HIVEP2: variants seen among roughly 807,000 people sequenced by gnomAD.
The protein encoded by HIVEP2 is HIVEP zinc finger 2.
A neutral mutation model predicts 180.7 loss-of-function variants in HIVEP2; 14 were observed. That is an observed-to-expected ratio of 0.08 (90% CI 0.05 to 0.12). The LOEUF (loss-of-function observed/expected upper bound fraction) is 0.12, where lower values mean the gene tolerates loss of function less well. Among genes scored for constraint, HIVEP2 ranks in the 10% least tolerant of loss-of-function variants. The pLI is 1.00. For synonymous variants in HIVEP2, 1,184 were observed against 1,136.4 expected (o/e 1.04, Z -0.84); for missense variants, 2,579 against 3,008.5 (o/e 0.86, Z 3.34).
chr6:142,885,134 G>A (rs1776664175), intron 1 of HIVEP2, among the ~76,000 whole-genome samples: 1 of 152,070 alleles, frequency 6.6e-6, no homozygotes, highest in Non-Finnish European at 1.5e-5. Flanking sequence ...ACTAATTGAA[G>A]AAAACTCAGT....
At chr6:142,905,708 T>C (rs776289401) in intron 1 of HIVEP2, among the ~76,000 whole-genome samples, 23 of 152,332 alleles carry the variant, frequency 1.5e-4, no homozygotes, top group Non-Finnish European at 2.5e-4. Context: ...GAAAAAATTA[T>C]ATGACATAAT....
intron 2 of HIVEP2, among the ~76,000 whole-genome samples, chr6:142,814,455 T>C (rs1582883177): frequency 6.6e-6 from 1 of 152,250 alleles, no homozygotes; most frequent in Non-Finnish European, 1.5e-5. Flanking sequence ...TTGACTGCAA[T>C]AGTTCAGGGA....
At chr6:142,939,463 G>A (rs6940880) in intron 1 of HIVEP2, among the ~76,000 whole-genome samples, 32,012 of 151,960 alleles carry the variant, frequency 0.21, 3,499 homozygotes, top group African/African-American at 0.26. Context: ...CTGGAGCTAC[G>A]TACCTTTCCA....
Position 142,760,041 on chromosome 6 carries a change from A to G in HIVEP2, c.6247T>C (p.Ser2083Pro), listed in dbSNP as rs777429102. 7 of 1,613,992 alleles carry G rather than the reference A, an allele frequency of 4.3e-6. No individual in the cohort carries two copies. The highest frequency in any genetic ancestry group is 4.2e-6 in the Non-Finnish European group (5 of 1,180,012). Residue 2083 changes from serine (S) to proline (P), a missense_variant, in exon 9 of 10, where the codon TCA becomes CCA. Around this residue, in one of 11 missense-constraint regions of HIVEP2, gnomAD observed 660 missense variants for 731.7 expected, o/e 0.90. Transcript: ENST00000367603. Reference sequence around the variant, plus strand: ...CTTGGTGAAAGATGTCTCATGGGTGACAGATCTCTCCTAGGTGATAAATGT... The same window carrying G: ...CTTGGTGAAAGATGTCTCATGGGTGGCAGATCTCTCCTAGGTGATAAATGT... ...RRHLSPRRDLSPMRHLSPRKE... is the reference protein window; with the variant it reads ...RRHLSPRRDLPPMRHLSPRKE...
intron 1 of HIVEP2, among the ~76,000 whole-genome samples, chr6:142,922,422 C>T (rs972853864): frequency 6.6e-6 from 1 of 152,272 alleles, no homozygotes; most frequent in East Asian, 1.9e-4. Flanking sequence ...TCTCAATTCG[C>T]ATTTAATAAA....
intron 1 of HIVEP2, among the ~76,000 whole-genome samples, chr6:142,882,087 T>A (rs1326198809): frequency 6.6e-6 from 1 of 152,122 alleles, no homozygotes; most frequent in Admixed American, 6.6e-5. Flanking sequence ...GCCTTTCAGC[T>A]CCTAAGCCCC....
chr6:142,856,904 T>C (rs1474016024), intron 1 of HIVEP2, among the ~76,000 whole-genome samples: 1 of 152,200 alleles, frequency 6.6e-6, no homozygotes, highest in Non-Finnish European at 1.5e-5. Context: ...TGGACTTCCG[T>C]GTAAGGTACA....
At chr6:142,881,647 G>A (rs575852212) in intron 1 of HIVEP2, among the ~76,000 whole-genome samples, 2 of 152,282 alleles carry the variant, frequency 1.3e-5, no homozygotes, top group Non-Finnish European at 2.9e-5. Context: ...AGGATAGTTA[G>A]ACCTCACAGA....
intron 1 of HIVEP2, among the ~76,000 whole-genome samples, chr6:142,939,438 G>A (rs936249647): frequency 2.6e-5 from 4 of 151,848 alleles, no homozygotes; most frequent in African/African-American, 9.7e-5. Flanking sequence ...GCAGGTCTTT[G>A]AGGCACCACA....
At chr6:142,818,969 C>T (rs1294484558) in intron 2 of HIVEP2, among the ~76,000 whole-genome samples, 4 of 127,590 alleles carry the variant, frequency 3.1e-5, no homozygotes, top group Middle Eastern at 9.6e-3. Context: ...AAGAACCTGT[C>T]AGGAAGGAAG....
intron 1 of HIVEP2, among the ~76,000 whole-genome samples, chr6:142,898,938 T>C (rs966489145): frequency 6.6e-6 from 1 of 152,182 alleles, no homozygotes; most frequent in African/African-American, 2.4e-5. Flanking sequence ...ATTACTGTAA[T>C]TGTCTGCACA....
chr6:142,862,879 T>C (rs1173362179), intron 1 of HIVEP2, among the ~76,000 whole-genome samples: 7 of 124,920 alleles, frequency 5.6e-5, no homozygotes, highest in Non-Finnish European at 1.1e-4. Context: ...ATCTATTATA[T>C]GTATATATTG....
chr6:142,758,297 G>T (rs1469299963), intron 9 of HIVEP2, among the ~76,000 whole-genome samples: 1 of 152,180 alleles, frequency 6.6e-6, no homozygotes, highest in Non-Finnish European at 1.5e-5. Context: ...AGATGAAGTT[G>T]GTACCAGACT....
At chr6:142,886,971 G>T (rs1354684939) in intron 1 of HIVEP2, among the ~76,000 whole-genome samples, 3 of 152,082 alleles carry the variant, frequency 2.0e-5, no homozygotes. Context: ...AAGCATTCAC[G>T]TTTCTCTCCT....
At chr6:142,916,290 A>G (rs1245258279) in intron 1 of HIVEP2, among the ~76,000 whole-genome samples, 2 of 152,198 alleles carry the variant, frequency 1.3e-5, no homozygotes, top group Non-Finnish European at 2.9e-5. Flanking sequence ...CAAAATGCAA[A>G]TCTAATCCTT....
At chr6:142,926,948 C>A (rs987591967) in intron 1 of HIVEP2, among the ~76,000 whole-genome samples, 1 of 151,900 alleles carries the variant, frequency 6.6e-6, no homozygotes, top group Non-Finnish European at 1.5e-5. Flanking sequence ...CATGCTCCCT[C>A]GGGTGTCAGC....
rs1425173197 is a variant in HIVEP2 at position 142,753,666 on chromosome 6, T to C, written c.6782A>G (p.Glu2261Gly). ...CTCCCCTGACGCGCCTTTCTTCTCC[T>C]CAAAGCCCTCCATTGGCAGGGGCAA... ...PTLPLPMEGF[E>G]EKKGASGESF... Residue 2261 changes from glutamate (E) to glycine (G), a missense_variant, in exon 10 of 10, where the codon GAG becomes GGG. Coordinates refer to ENST00000367603, the MANE Select transcript of HIVEP2 (RefSeq NM_006734.4). 6.2e-7 allele frequency: 1 copy of C among 1,614,090 alleles called. No homozygotes were observed.
At chr6:142,839,567 C>T (rs140804854) in intron 1 of HIVEP2, among the ~76,000 whole-genome samples, 1 of 152,198 alleles carries the variant, frequency 6.6e-6, no homozygotes, top group East Asian at 1.9e-4. Context: ...TGTAATAAAT[C>T]AGATGTACAC....
chr6:142,770,979 T>A lies in HIVEP2; in HGVS notation c.3760A>T (p.Ser1254Cys), dbSNP rs1484557360. The A allele has an allele frequency of 6.2e-7, 1 of 1,614,182 alleles. No homozygotes were observed. The highest frequency in any genetic ancestry group is 8.5e-7 in the Non-Finnish European group (1 of 1,180,032). Residue 1254 changes from serine (S) to cysteine (C), a missense_variant, in exon 5 of 10, where the codon AGC (serine) becomes TGC (cysteine). Ser to Cys is a moderately radical substitution (Grantham distance 112). Coordinates refer to ENST00000367603, the MANE Select transcript of HIVEP2 (RefSeq NM_006734.4). This position sits in a 1 kb window ranked among gnomAD's most constrained non-coding sequence, Gnocchi z 4.7. The part of the protein sequence containing the change: ...KPSFQTEIHS[S>C]YPLEHVAEHT... Reference sequence around the variant, plus strand: ...TCTGCCACATGCTCTAAGGGATAGCTCGAATGGATTTCTGTCTGAAAAGAG... The same window carrying A: ...TCTGCCACATGCTCTAAGGGATAGCACGAATGGATTTCTGTCTGAAAAGAG...
Sources: gnomAD v4.1 joint callset for allele counts (sites outside exome capture counted in the v4.1 genomes callset) on GRCh38, gnomAD v4.1.1 for gene constraint, gnomAD v4.1.1 regional missense constraint, Gnocchi (gnomAD v3.1) non-coding constraint, MANE v1.5 for transcripts, NCBI Gene and HGNC (gene_info 2026-07-23, HGNC 2026-07-21) for gene names.